RAB38: variants seen among roughly 807,000 people sequenced by gnomAD.
RAB38 encodes RAB38, member RAS oncogene family.
RAB38 carries 15 observed loss-of-function variants against 18.4 expected under a neutral mutation model. That is an observed-to-expected ratio of 0.82 (90% confidence interval 0.55 to 1.26). RAB38 has a LOEUF of 1.26. Among genes scored for constraint, RAB38 ranks in the 50% most tolerant of loss-of-function variants. The pLI is 0.00. For missense variants in RAB38, 294 were observed against 267.4 expected (o/e 1.10, Z -0.69); for synonymous variants, 101 against 104.4 (o/e 0.97, Z 0.20).
At position 88,142,361 on chromosome 11, in the gene RAB38, G is replaced by A. The variant is rs185717051; in HGVS notation, c.483+7314C>T. Among the ~76,000 whole-genome samples, 439 of 152,308 alleles carry A rather than the reference G, an allele frequency of 2.9e-3. 18 individuals are homozygous for A. Among genetic ancestry groups the A allele is most frequent in the Admixed American group, 0.025 (390 of 15,298 alleles). On this transcript the variant is annotated intron_variant, in intron 2 of 2. Coordinates refer to ENST00000243662, the MANE Select transcript of RAB38 (RefSeq NM_022337.3). ...GATAATAGCTGTGAAATGCCTGGAA[G>A]GTTCTTAGTATGCAATAAATGATTG...
the RAB38 span, among the ~76,000 whole-genome samples, chr11:88,023,140 C>A: frequency 6.6e-6 from 1 of 151,342 alleles, no homozygotes; most frequent in Non-Finnish European, 1.5e-5. Flanking sequence ...GAGCTTGTAC[C>A]CCTAAACATA....
chr11:88,025,305 A>T, the RAB38 span, among the ~76,000 whole-genome samples: 7 of 145,326 alleles, frequency 4.8e-5, no homozygotes, highest in Non-Finnish European at 7.4e-5. Flanking sequence ...GCTTGATTAC[A>T]TGTCTTTGCT....
At chr11:88,153,623 C>T (rs1943089875) in intron 1 of RAB38, among the ~76,000 whole-genome samples, 1 of 152,188 alleles carries the variant, frequency 6.6e-6, no homozygotes, top group African/African-American at 2.4e-5. Context: ...AATGTAAGCA[C>T]AAGTCTTCAG....
chr11:87,884,744 CTCTTT>C, the RAB38 span, among the ~76,000 whole-genome samples: 1 of 151,882 alleles, frequency 6.6e-6, no homozygotes, highest in Non-Finnish European at 1.5e-5. Context: ...TGAGGGACTC[CTCTTT>C]TAATTCCCAC....
chr11:87,931,468 G>A, the RAB38 span, among the ~76,000 whole-genome samples: 1 of 151,982 alleles, frequency 6.6e-6, no homozygotes, highest in South Asian at 2.1e-4. Context: ...TTTTGCTTGG[G>A]AGGGATCCAG....
the RAB38 span, among the ~76,000 whole-genome samples, chr11:87,871,058 C>T: frequency 2.6e-5 from 4 of 151,594 alleles, no homozygotes; most frequent in Non-Finnish European, 5.9e-5. Flanking sequence ...TGGATGCAAA[C>T]ACTGGGTTTA....
the RAB38 span, among the ~76,000 whole-genome samples, chr11:87,946,912 G>A: frequency 6.9e-4 from 102 of 147,504 alleles, no homozygotes; most frequent in Non-Finnish European, 3.3e-4. Flanking sequence ...ACCCAGTAAT[G>A]GGATGGCTGG....
the RAB38 span, among the ~76,000 whole-genome samples, chr11:87,866,531 C>T: frequency 6.6e-6 from 1 of 151,664 alleles, no homozygotes; most frequent in Admixed American, 6.6e-5. Context: ...ATTTTAGCTG[C>T]TTTCTGGAGT....
chr11:88,172,740 C>A (rs962188195), intron 1 of RAB38, among the ~76,000 whole-genome samples: 10 of 152,208 alleles, frequency 6.6e-5, no homozygotes, highest in African/African-American at 2.4e-4. Context: ...GAACTCATAA[C>A]CCACATGGCT....
the RAB38 span, among the ~76,000 whole-genome samples, chr11:87,852,448 A>C: frequency 2.0e-5 from 3 of 152,128 alleles, no homozygotes; most frequent in Non-Finnish European, 2.9e-5. Context: ...TGCTGCAAAG[A>C]CATTCTGTTT....
At chr11:88,026,398 C>A in the RAB38 span, among the ~76,000 whole-genome samples, 1 of 150,960 alleles carries the variant, frequency 6.6e-6, no homozygotes, top group Non-Finnish European at 1.5e-5. Flanking sequence ...CCCGTCTCCA[C>A]TAAAAAAACA....
chr11:88,113,813 G>C lies in RAB38; in HGVS notation c.*175C>G. On this transcript the variant is annotated 3_prime_UTR_variant, in exon 3 of 3. Coordinates refer to ENST00000243662, the MANE Select transcript of RAB38 (RefSeq NM_022337.3). ...TTTGTAAACACTGTGATGATGGTGA[G>C]GAAAGCATAGAAAGAACATTTGCTA... The C allele has an allele frequency of 1.4e-6, 1 of 739,512 alleles. No individual in the cohort carries two copies. Among genetic ancestry groups the C allele is most frequent in the East Asian group, 2.6e-5 (1 of 37,854 alleles). The allele number at this position is 739,512 out of a possible 1,614,324, so 45.8% of individuals were successfully genotyped here. A position where few individuals can be genotyped will look rare whatever the true frequency, so the allele number is the denominator to read the frequency against.
At chr11:87,977,471 TACA>T in the RAB38 span, among the ~76,000 whole-genome samples, 13 of 44,294 alleles carry the variant, frequency 2.9e-4, 1 homozygote, top group East Asian at 1.5e-3. Flanking sequence ...AATTATATAT[TACA>T]TATATAATTA....
At chr11:88,078,834 A>T in the RAB38 span, among the ~76,000 whole-genome samples, 2 of 151,986 alleles carry the variant, frequency 1.3e-5, no homozygotes, top group African/African-American at 4.8e-5. Flanking sequence ...ACTATAATTT[A>T]CAAGGATCTA....
chr11:87,946,682 T>C, the RAB38 span, among the ~76,000 whole-genome samples: 3 of 152,122 alleles, frequency 2.0e-5, no homozygotes, highest in African/African-American at 4.8e-5. Context: ...AGAATGATGG[T>C]TTCCAGTTTC....
At chr11:88,146,803 G>T (rs561695826) in intron 2 of RAB38, among the ~76,000 whole-genome samples, 1 of 152,296 alleles carries the variant, frequency 6.6e-6, no homozygotes, top group South Asian at 2.1e-4. Flanking sequence ...TGTTGAACGT[G>T]CCTTCTGTAT....
the RAB38 span, among the ~76,000 whole-genome samples, chr11:87,956,873 C>T: frequency 1.1e-4 from 16 of 151,912 alleles, no homozygotes; most frequent in Admixed American, 6.6e-4. Flanking sequence ...TGGGTTCCCT[C>T]CCCCCACCTT....
the RAB38 span, among the ~76,000 whole-genome samples, chr11:87,862,478 GAAA>G: frequency 6.6e-6 from 1 of 151,874 alleles, no homozygotes; most frequent in South Asian, 2.1e-4. Flanking sequence ...TGGACACATA[GAAA>G]GGAACAACAC....
Position 88,113,603 on chromosome 11 carries a change from A to G in RAB38, c.*385T>C. 1 of 177,398 alleles carries G rather than the reference A, an allele frequency of 5.6e-6. No individual in the cohort carries two copies. Among genetic ancestry groups the G allele is most frequent in the Non-Finnish European group, 1.2e-5 (1 of 81,566 alleles). 11.0% of individuals were successfully genotyped at this position (177,398 alleles called of 1,614,324 possible). ...CAGAGAATATACTGAAATCTGGAAA[A>G]AGACACCAGGGCAAGGTGAAAGCCA... is the stretch of plus-strand genomic sequence containing the variant. On this transcript the variant is annotated 3_prime_UTR_variant, in exon 3 of 3. Coordinates refer to ENST00000243662, the MANE Select transcript of RAB38 (RefSeq NM_022337.3).
Sources: gnomAD v4.1 joint callset for allele counts (sites outside exome capture counted in the v4.1 genomes callset) on GRCh38, gnomAD v4.1.1 for gene constraint, MANE v1.5 for transcripts, NCBI Gene and HGNC (gene_info 2026-07-23, HGNC 2026-07-21) for gene names.